Variants in ARIH1 observed in about 807,000 individuals in gnomAD.
The protein encoded by ARIH1 is ariadne RBR E3 ubiquitin protein ligase 1.
ARIH1 carries 8 observed loss-of-function variants against 85.0 expected under a neutral mutation model. The ratio of observed to expected loss-of-function variants is 0.09; its 90% CI spans 0.06 to 0.17. The LOEUF (loss-of-function observed/expected upper bound fraction) is 0.17. Among genes scored for constraint, ARIH1 ranks in the 10% least tolerant of loss-of-function variants. The pLI is 1.00. For synonymous variants in ARIH1, 238 were observed against 253.6 expected, an observed-to-expected ratio of 0.94 and a Z score of 0.59; for missense variants, 311 against 718.1, an observed-to-expected ratio of 0.43 and a Z score of 6.48.
intron 1 of ARIH1, among the ~76,000 whole-genome samples, chr15:72,485,087 T>A (rs1751638931): frequency 6.6e-6 from 1 of 152,182 alleles, no homozygotes; most frequent in African/African-American, 2.4e-5. Flanking sequence ...CATGACAACA[T>A]CTATTATTTT....
In ARIH1 at chr15:72,594,811, C is replaced by CTT. The variant is rs71137306; in HGVS notation, c.*11545_*11546dup. The CTT allele has an allele frequency of 3.0e-3, 238 of 79,522 alleles. 30 individuals are homozygous for CTT. Among genetic ancestry groups the CTT allele is most frequent in the African/African-American group, 0.014 (222 of 16,330 alleles). The allele number at this position is 79,522 out of a possible 1,614,324, so 4.9% of individuals were successfully genotyped here. A position where few individuals can be genotyped will look rare whatever the true frequency, so the allele number is the denominator to read the frequency against. Reference sequence around the variant, plus strand: ...TTTTTCTGATTTTATGCCTTTTCTTCTTTTTTTTTTTTTTTTTTTTTTTTT... The same window carrying CTT: ...TTTTTCTGATTTTATGCCTTTTCTTCTTTTTTTTTTTTTTTTTTTTTTTTTTT... On this transcript the variant is annotated 3_prime_UTR_variant, in exon 14 of 14. Coordinates refer to ENST00000379887, the MANE Select transcript of ARIH1 (RefSeq NM_005744.5).
intron 2 of ARIH1, among the ~76,000 whole-genome samples, chr15:72,520,948 A>T (rs1018459719): frequency 6.6e-6 from 1 of 151,988 alleles, no homozygotes; most frequent in Non-Finnish European, 1.5e-5. Flanking sequence ...GACTCAAGCA[A>T]TCCTTCCATT....
At chr15:72,545,659 T>G (rs1343534324) in intron 3 of ARIH1, among the ~76,000 whole-genome samples, 1 of 152,200 alleles carries the variant, frequency 6.6e-6, no homozygotes, top group African/African-American at 2.4e-5. Flanking sequence ...GAAACCTGTC[T>G]CAACTAAAAA....
At chr15:72,527,908 T>C (rs1000498435) in intron 2 of ARIH1, among the ~76,000 whole-genome samples, 1 of 152,224 alleles carries the variant, frequency 6.6e-6, no homozygotes, top group Admixed American at 6.5e-5. Flanking sequence ...GTTCCTAATA[T>C]ATAGCCATTG....
Position 72,580,958 on chromosome 15 carries a change from C to T in ARIH1, c.1443C>T (p.Tyr481=). Residue 481 remains tyrosine (Y), a synonymous_variant, in exon 12 of 14, where the codon TAC becomes TAT. Transcript: ENST00000379887. ...TGTACACTTATGTCTTCGCTTTCTA[C>T]CTCAAAAAGAATAACCAGTCCATTA... ...TLMYTYVFAF[Y]LKKNNQSIIF... The T allele has an allele frequency of 1.9e-6, 3 of 1,614,030 alleles. No homozygotes were observed. The highest frequency in any genetic ancestry group is 2.5e-6 in the Non-Finnish European group (3 of 1,179,952).
intron 1 of ARIH1, among the ~76,000 whole-genome samples, chr15:72,485,435 T>A (rs2063834025): frequency 1.3e-5 from 2 of 152,134 alleles, no homozygotes; most frequent in African/African-American, 4.8e-5. Context: ...TTGTAAGAAA[T>A]CTTTCTAAAA....
At chr15:72,556,840 A>G (rs926555098) in intron 5 of ARIH1, among the ~76,000 whole-genome samples, 1 of 152,248 alleles carries the variant, frequency 6.6e-6, no homozygotes, top group Admixed American at 6.5e-5. Context: ...GTGTTAATTC[A>G]TTTAGGATGA....
intron 2 of ARIH1, among the ~76,000 whole-genome samples, chr15:72,534,989 C>T (rs370901056): frequency 1.8e-4 from 6 of 34,136 alleles, no homozygotes; most frequent in Non-Finnish European, 2.4e-4. Context: ...GTCTCGCTGT[C>T]GCCCAGGCTG....
intron 1 of ARIH1, among the ~76,000 whole-genome samples, chr15:72,488,016 G>T (rs2063844048): frequency 6.6e-6 from 1 of 151,616 alleles, no homozygotes; most frequent in Non-Finnish European, 1.5e-5. Flanking sequence ...CTCTTCTTTT[G>T]ATACCTTTTC....
intron 2 of ARIH1, among the ~76,000 whole-genome samples, chr15:72,523,977 C>A (rs535397875): frequency 1.1e-4 from 13 of 117,556 alleles, no homozygotes; most frequent in African/African-American, 3.9e-4. Flanking sequence ...GATGGAGTCT[C>A]GCTCTTTTGC....
At chr15:72,496,701 TTATATA>T (rs1317368645) in intron 1 of ARIH1, 3 of 621,172 alleles carry the variant, frequency 4.8e-6, no homozygotes, top group Non-Finnish European at 6.0e-6. Context: ...CCCCACCCCT[TTATATA>T]TACCTTGATT....
chr15:72,482,667 A>T (rs183321756), intron 1 of ARIH1, among the ~76,000 whole-genome samples: 1 of 152,070 alleles, frequency 6.6e-6, no homozygotes, highest in African/African-American at 2.4e-5. Flanking sequence ...TAGATTGGTT[A>T]TCTTTTGCCT....
chr15:72,531,284 T>C (rs1044337929), intron 2 of ARIH1, among the ~76,000 whole-genome samples: 2 of 151,718 alleles, frequency 1.3e-5, no homozygotes, highest in Non-Finnish European at 2.9e-5. Flanking sequence ...TATTTATTTA[T>C]TGAAACACAG....
rs565143184 is a variant in ARIH1 at position 72,526,285 on chromosome 15, C to T, written c.443+8151C>T. On this transcript the variant is annotated intron_variant, in intron 2 of 13. Coordinates refer to ENST00000379887, the MANE Select transcript of ARIH1 (RefSeq NM_005744.5). Reference sequence around the variant, plus strand: ...TTCATTAGTAAGCCATAGTCCCTGCCCTGGAGGGAGGTGCCCATGGTCCCC... The same window carrying T: ...TTCATTAGTAAGCCATAGTCCCTGCTCTGGAGGGAGGTGCCCATGGTCCCC... Among the ~76,000 whole-genome samples, 6 of 152,100 alleles carry T rather than the reference C, an allele frequency of 3.9e-5. No individual in the cohort carries two copies. The South Asian group carries it at 1.2e-3, about 32-fold the overall frequency.
chr15:72,499,741 C>G (rs1411577603), intron 1 of ARIH1, among the ~76,000 whole-genome samples: 1 of 152,190 alleles, frequency 6.6e-6, no homozygotes, highest in Non-Finnish European at 1.5e-5. Flanking sequence ...GCCCTTCATT[C>G]TGCTCTTGTA....
At chr15:72,539,452 GA>G (rs34405871) in intron 2 of ARIH1, among the ~76,000 whole-genome samples, 65 of 145,062 alleles carry the variant, frequency 4.5e-4, no homozygotes, top group African/African-American at 1.3e-3. Context: ...TGACAGAACA[GA>G]AAAAAAAAAG....
At chr15:72,527,028 G>A (rs1338972093) in intron 2 of ARIH1, among the ~76,000 whole-genome samples, 1 of 151,954 alleles carries the variant, frequency 6.6e-6, no homozygotes, top group East Asian at 1.9e-4. Context: ...TCTTCCATCT[G>A]GGTTTTGATA....
intron 2 of ARIH1, among the ~76,000 whole-genome samples, chr15:72,519,827 A>G (rs2063991697): frequency 6.6e-6 from 1 of 151,926 alleles, no homozygotes; most frequent in East Asian, 1.9e-4. Context: ...TAATTTTGGT[A>G]ACATTTACTT....
chr15:72,518,173 C>T (rs373909648), intron 2 of ARIH1, 39 bp downstream of exon 2: 7 of 1,520,134 alleles, frequency 4.6e-6, no homozygotes, highest in Non-Finnish European at 6.3e-6. Context: ...TTAGAAGTAA[C>T]ACAGAAAGCC....
Sources: gnomAD v4.1 joint callset for allele counts (sites outside exome capture counted in the v4.1 genomes callset) on GRCh38, gnomAD v4.1.1 for gene constraint, MANE v1.5 for transcripts, NCBI Gene and HGNC (gene_info 2026-07-23, HGNC 2026-07-21) for gene names.